Variants in CPT1A observed in about 807,000 individuals in gnomAD.
CPT1A encodes the protein carnitine O-palmitoyltransferase 1, liver isoform.
CPT1A carries 64 observed loss-of-function variants against 100.8 expected under a neutral mutation model. The observed-to-expected ratio is 0.63, with a 90% CI of 0.52 to 0.78. The LOEUF (loss-of-function observed/expected upper bound fraction) is 0.78, where lower values mean the gene tolerates loss of function less well. CPT1A is among the 30% of genes least tolerant of loss of function. The pLI, the probability that CPT1A is intolerant of heterozygous loss-of-function variation, is 0.00. For synonymous variants in CPT1A, 363 were observed against 396.0 expected (o/e 0.92, Z 0.99); for missense variants, 802 against 1,034.1 (o/e 0.78, Z 3.08).
At chr11:68,793,624 T>C (rs1441202090) in intron 8 of CPT1A, among the ~76,000 whole-genome samples, 1 of 151,550 alleles carries the variant, frequency 6.6e-6, no homozygotes, top group Non-Finnish European at 1.5e-5. Context: ...CGGGTGCCTG[T>C]AGTCCCAGCT....
At position 68,768,066 on chromosome 11, in the gene CPT1A, C is replaced by CTTTTTTTTTTTTTTT. The variant is rs71043448; in HGVS notation, c.1740+5184_1740+5198dup. ...TCTCAGACACTTTCTAGTTTCCAGT[C>CTTTTTTTTTTTTTTT]TTTTTTTTTTTTTTTTTTTTTTTTT... On this transcript the variant is annotated intron_variant, in intron 14 of 18. Coordinates refer to ENST00000265641, the MANE Select transcript of CPT1A (RefSeq NM_001876.4). Among the ~76,000 whole-genome samples the CTTTTTTTTTTTTTTT allele has an allele frequency of 9.8e-5, 7 of 71,248 alleles. 1 individual carries two copies. Among genetic ancestry groups the CTTTTTTTTTTTTTTT allele is most frequent in the African/African-American group, 4.3e-4 (7 of 16,382 alleles). The allele number at this position is 71,248 out of a possible 152,430, so 46.7% of individuals were successfully genotyped here.
chr11:68,799,046 C>T (rs565082441), intron 6 of CPT1A, among the ~76,000 whole-genome samples, 172 bp downstream of exon 6: 8 of 152,142 alleles, frequency 5.3e-5, no homozygotes, highest in Non-Finnish European at 1.2e-4. Context: ...ACACGTCAGT[C>T]CTAACACACA....
At chr11:68,773,141 G>A in intron 14 of CPT1A, 124 bp downstream of exon 14, 1 of 1,518,464 alleles carries the variant, frequency 6.6e-7, no homozygotes, top group East Asian at 2.4e-5. Context: ...GACCGGGGTC[G>A]GGGGGAGCTG....
In CPT1A at chr11:68,775,284, T is replaced by G. The variant is rs1426064450; in HGVS notation, c.1575+32A>C. 4.6e-6 allele frequency: 7 copies of G among 1,514,576 alleles called. No homozygotes were observed. In the South Asian group the frequency reaches 6.7e-5, roughly 15 times the overall value. The allele number at this position is 1,514,576 out of a possible 1,614,324, so 93.8% of individuals were successfully genotyped here. A position where few individuals can be genotyped will look rare whatever the true frequency, so the allele number is the denominator to read the frequency against. On this transcript the variant is annotated intron_variant, in intron 13 of 18. Transcript: ENST00000265641. ...CTTCAAATGTGTTTCCCATCCCAGG[T>G]AAGTAACAATGGTTGGATAATCCGG...
At chr11:68,801,978 C>T (rs1026934215) in intron 5 of CPT1A, among the ~76,000 whole-genome samples, 6 of 152,164 alleles carry the variant, frequency 3.9e-5, no homozygotes, top group African/African-American at 1.4e-4. Flanking sequence ...GGATGAAGTT[C>T]ATCCATCCTA....
chr11:68,828,883 C>T (rs1010178403), intron 1 of CPT1A, among the ~76,000 whole-genome samples: 4 of 152,156 alleles, frequency 2.6e-5, no homozygotes, highest in Non-Finnish European at 5.9e-5. Context: ...AAGCTGGCCC[C>T]GGTCCATCTG....
intron 5 of CPT1A, among the ~76,000 whole-genome samples, chr11:68,800,490 CAAAAA>C (rs57450875): frequency 7.6e-5 from 6 of 78,984 alleles, no homozygotes; most frequent in Non-Finnish European, 1.7e-4. Context: ...CCCATCTCTG[CAAAAA>C]AAAAAAAAAA....
chr11:68,775,990 T>G (rs1045735696), intron 12 of CPT1A, among the ~76,000 whole-genome samples: 2 of 152,214 alleles, frequency 1.3e-5, no homozygotes, highest in African/African-American at 4.8e-5. Flanking sequence ...CATCAACTGA[T>G]GAAGAGATAA....
intron 11 of CPT1A, among the ~76,000 whole-genome samples, chr11:68,781,359 T>C (rs1855306642): frequency 1.3e-5 from 2 of 152,118 alleles, no homozygotes; most frequent in South Asian, 4.1e-4. Flanking sequence ...GTGGCTCACA[T>C]CTGTAATCTC....
chr11:68,754,837 T>C, downstream of CPT1A: 1 of 781,106 alleles, frequency 1.3e-6, no homozygotes, highest in Non-Finnish European at 2.4e-6. Flanking sequence ...AACTTGGTCC[T>C]TGACTTATAA....
chr11:68,801,917 G>A (rs559952904), intron 5 of CPT1A, among the ~76,000 whole-genome samples: 71 of 152,216 alleles, frequency 4.7e-4, no homozygotes, highest in African/African-American at 1.6e-3. Context: ...ATGAACAGGT[G>A]GATAAACTGT....
chr11:68,763,655 CA>C (rs1237618466), intron 14 of CPT1A, among the ~76,000 whole-genome samples: 1 of 152,078 alleles, frequency 6.6e-6, no homozygotes, highest in Non-Finnish European at 1.5e-5. Context: ...CTGGGTGAAG[CA>C]GAAGAAAGCG....
At chr11:68,769,268 T>TA (rs1854915233) in intron 14 of CPT1A, among the ~76,000 whole-genome samples, 1 of 152,150 alleles carries the variant, frequency 6.6e-6, no homozygotes, top group Non-Finnish European at 1.5e-5. Flanking sequence ...AGATAGGGTC[T>TA]CACTGTCATC....
At position 68,828,805 on chromosome 11, in the gene CPT1A, C is replaced by T. The variant is rs114864409; in HGVS notation, c.-14+12970G>A. Among the ~76,000 whole-genome samples the T allele has an allele frequency of 7.1e-3, 1,085 of 152,288 alleles. 13 individuals are homozygous for T. Among genetic ancestry groups the T allele is most frequent in the African/African-American group, 0.025 (1,027 of 41,566 alleles). ...TCCCACTCACGGTGTACAACTAAAC[C>T]GTTAGTCTCTGTGGGCCAGCCCCAC... On this transcript the variant is annotated intron_variant, in intron 1 of 18. Coordinates refer to ENST00000265641, the MANE Select transcript of CPT1A (RefSeq NM_001876.4).
intron 5 of CPT1A, among the ~76,000 whole-genome samples, chr11:68,803,182 G>A (rs1855951681): frequency 6.6e-6 from 1 of 152,226 alleles, no homozygotes; most frequent in Admixed American, 6.5e-5. Context: ...TCAGCCATAA[G>A]AAGGAGGGAA....
chr11:68,786,075 A>G, intron 9 of CPT1A: 1 of 702,136 alleles, frequency 1.4e-6, no homozygotes. Context: ...TAAAAATAGG[A>G]CAAGCTACCA....
chr11:68,765,847 T>C (rs1421008028), intron 14 of CPT1A, among the ~76,000 whole-genome samples: 2 of 149,840 alleles, frequency 1.3e-5, no homozygotes, highest in Non-Finnish European at 1.5e-5. Context: ...AACAGGGAAC[T>C]AGGGAACAGA....
chr11:68,841,217 C>A lies in CPT1A; in HGVS notation c.-14+558G>T, dbSNP rs1013618891. Among the ~76,000 whole-genome samples the A allele has an allele frequency of 6.6e-6, 1 of 152,044 alleles. No individual in the cohort carries two copies. The highest frequency in any genetic ancestry group is 1.5e-5 in the Non-Finnish European group (1 of 67,978). On this transcript the variant is annotated intron_variant, in intron 1 of 18. Transcript: ENST00000265641. This position sits in a 1 kb window ranked among gnomAD's most constrained non-coding sequence, Gnocchi z 6.3. ...CACCTGCCCGTAGGTGACCAACCCA[C>A]GGGCGGACCCCCAGACCCAATCCTC...
intron 5 of CPT1A, among the ~76,000 whole-genome samples, chr11:68,802,917 A>G (rs112321956): frequency 0.021 from 3,182 of 150,414 alleles, 121 homozygotes; most frequent in African/African-American, 0.074. Flanking sequence ...AAAAAAAAAA[A>G]AAAGAAAATG....
Sources: allele counts gnomAD v4.1 joint callset (sites outside exome capture counted in the v4.1 genomes callset), GRCh38; gene constraint gnomAD v4.1.1; non-coding constraint Gnocchi (gnomAD v3.1); transcripts MANE v1.5; gene names NCBI Gene and HGNC (gene_info 2026-07-23, HGNC 2026-07-21).